REV3L: variants seen among roughly 807,000 people sequenced by gnomAD.
REV3L encodes the protein REV3 like, DNA directed polymerase zeta catalytic subunit.
REV3L carries 69 observed loss-of-function variants against 299.4 expected under a neutral mutation model. The ratio of observed to expected loss-of-function variants is 0.23; its 90% CI spans 0.19 to 0.28. The LOEUF is 0.28. REV3L is among the 10% of genes least tolerant of loss of function. The pLI, the probability that REV3L is intolerant of heterozygous loss-of-function variation, is 1.00. For missense variants in REV3L, 3,128 were observed against 3,693.8 expected, an observed-to-expected ratio of 0.85 and a Z score of 3.97; for synonymous variants, 1,238 against 1,271.4, an observed-to-expected ratio of 0.97 and a Z score of 0.56.
intron 24 of REV3L, 108 bp from the exon 25 acceptor site, chr6:111,329,846 T>G: frequency 1.3e-6 from 1 of 794,830 alleles, no homozygotes; most frequent in Non-Finnish European, 2.0e-6. Context: ...AATTGAAACA[T>G]GCTAACAACA....
rs977317652 is a variant in REV3L, at chr6:111,430,490, G to C, written c.140-14018C>G. On this transcript the variant is annotated intron_variant, in intron 1 of 31. Transcript: ENST00000368802. ...AGACCATTTATTATAAAGCTGCAAAGAAGCGGTTGCACTCGGGGATGAAAA... is the reference window on the plus strand; with the variant it reads ...AGACCATTTATTATAAAGCTGCAAACAAGCGGTTGCACTCGGGGATGAAAA... 9.7e-6 allele frequency: 15 copies of C among 1,548,064 alleles called. No individual in the cohort carries two copies. In the African/African-American group the frequency reaches 2.0e-4, roughly 21 times the overall value.
chr6:111,422,904 G>C (rs1282278814), intron 1 of REV3L, among the ~76,000 whole-genome samples: 1 of 151,140 alleles, frequency 6.6e-6, no homozygotes, highest in Admixed American at 6.6e-5. Context: ...AAAATATACA[G>C]AACTTTATCT....
intron 1 of REV3L, among the ~76,000 whole-genome samples, chr6:111,437,622 T>C (rs1787719354): frequency 6.6e-6 from 1 of 152,030 alleles, no homozygotes; most frequent in Admixed American, 6.6e-5. Context: ...TCCATTTATG[T>C]GAAATGTCCA....
chr6:111,448,327 GTTTTCTTTT>G (rs994019494), intron 1 of REV3L, among the ~76,000 whole-genome samples: 1 of 151,960 alleles, frequency 6.6e-6, no homozygotes, highest in African/African-American at 2.4e-5. Flanking sequence ...TTTATTGGAG[GTTTTCTTTT>G]TTTTCTTTTC....
chr6:111,410,215 T>G (rs1403124721), intron 3 of REV3L, among the ~76,000 whole-genome samples: 2 of 152,046 alleles, frequency 1.3e-5, no homozygotes, highest in Non-Finnish European at 2.9e-5. Context: ...GAAAAAATAA[T>G]AAATGAACAA....
At chr6:111,365,483 TA>T in intron 14 of REV3L, 139 bp from the exon 15 acceptor site, 1 of 433,980 alleles carries the variant, frequency 2.3e-6, no homozygotes, top group Non-Finnish European at 4.0e-6. Flanking sequence ...TTTCATAATT[TA>T]AAAATGAAAT....
intron 1 of REV3L, among the ~76,000 whole-genome samples, chr6:111,438,926 A>AG (rs2128306066): frequency 8.3e-6 from 1 of 120,634 alleles, no homozygotes; most frequent in South Asian, 3.0e-4. Context: ...GTATTAAAAG[A>AG]CAAAAAAAAC....
At chr6:111,314,174 AAG>A (rs759069580) in intron 27 of REV3L, among the ~76,000 whole-genome samples, 2 of 152,226 alleles carry the variant, frequency 1.3e-5, no homozygotes, top group Non-Finnish European at 2.9e-5. Flanking sequence ...TACAGAAAGA[AAG>A]AAATACATAT....
intron 18 of REV3L, chr6:111,354,088 G>C (rs1777843186): frequency 6.6e-6 from 1 of 152,212 alleles, no homozygotes; most frequent in South Asian, 2.1e-4. Context: ...TTGATCTTAA[G>C]AATCGGGAAG....
In REV3L at chr6:111,355,598, A is replaced by T. The variant is rs1342025837; in HGVS notation, c.7184+1416T>A. Among the ~76,000 whole-genome samples, 3 of 152,282 alleles carry T rather than the reference A, an allele frequency of 2.0e-5. No individual in the cohort carries two copies. In the East Asian group the frequency reaches 5.8e-4, roughly 29 times the overall value. Reference sequence around the variant, plus strand: ...ACATTTCATTTTATGGACATTTAAGAAAGTTATTATACTTGCAAATGACTA... The same window carrying T: ...ACATTTCATTTTATGGACATTTAAGTAAGTTATTATACTTGCAAATGACTA... On this transcript the variant is annotated intron_variant, in intron 18 of 31. Transcript: ENST00000368802.
At chr6:111,372,416 CTTAG>C (rs1582732793) in intron 13 of REV3L, among the ~76,000 whole-genome samples, 176 bp downstream of exon 13, 2 of 152,140 alleles carry the variant, frequency 1.3e-5, no homozygotes, top group East Asian at 3.8e-4. Flanking sequence ...TTTGAATTTT[CTTAG>C]TAAGTCTGTA....
At position 111,376,686 on chromosome 6, in the gene REV3L, G is replaced by A. The variant is rs748857250; in HGVS notation, c.1669C>T (p.Pro557Ser). ...VIATSKLSVK[P>S]SIFHKDAATL... ...GCAGCATCTTTGTGAAAGATGGAGG[G>A]TTTAACTGAAAGCTTGCTTGTTGCA... is the stretch of plus-strand genomic sequence containing the variant. The change falls in exon 13 of 32, where the codon CCC (proline) becomes TCC (serine). Residue 557 changes from proline to serine, a missense_variant. This residue lies in a region of REV3L where 2,409 missense variants were observed against 2,611.8 expected (regional missense o/e 0.92). Transcript: ENST00000368802. The A allele has an allele frequency of 6.2e-7, 1 of 1,608,416 alleles. No individual in the cohort carries two copies. The highest frequency in any genetic ancestry group is 8.5e-7 in the Non-Finnish European group (1 of 1,179,412).
At chr6:111,402,623 C>T (rs930334786) in intron 4 of REV3L, among the ~76,000 whole-genome samples, 12 of 152,126 alleles carry the variant, frequency 7.9e-5, no homozygotes, top group Non-Finnish European at 1.3e-4. Context: ...GCCCACTATT[C>T]ACGGCAACAA....
At chr6:111,410,667 C>T (rs988201435) in intron 3 of REV3L, among the ~76,000 whole-genome samples, 2 of 152,238 alleles carry the variant, frequency 1.3e-5, no homozygotes, top group African/African-American at 4.8e-5. Context: ...GGGAATAGAG[C>T]TGTGCTTCAG....
intron 26 of REV3L, among the ~76,000 whole-genome samples, chr6:111,316,265 G>A (rs930717203): frequency 2.6e-5 from 4 of 151,322 alleles, no homozygotes; most frequent in Non-Finnish European, 5.9e-5. Context: ...GTGGTACACA[G>A]TTAAGTACAT....
chr6:111,304,232 T>A (rs1772001206), intron 31 of REV3L, among the ~76,000 whole-genome samples: 1 of 150,164 alleles, frequency 6.7e-6, no homozygotes, highest in Non-Finnish European at 1.5e-5. Flanking sequence ...TCTAGTAATT[T>A]CTGCTTCATT....
chr6:111,383,242 G>A (rs1019282354), intron 9 of REV3L, among the ~76,000 whole-genome samples: 8 of 152,146 alleles, frequency 5.3e-5, no homozygotes, highest in Non-Finnish European at 1.0e-4. Flanking sequence ...TTTCACCACT[G>A]TTATTCAACA....
chr6:111,322,033 G>A lies in REV3L; in HGVS notation c.8351+536C>T, dbSNP rs567240585. Among the ~76,000 whole-genome samples, 3 of 152,196 alleles carry A rather than the reference G, an allele frequency of 2.0e-5. No individual in the cohort carries two copies. In the South Asian group the frequency reaches 6.2e-4, roughly 32 times the overall value. ...GCCTTCAAATGCAGGCACATTATTT[G>A]CCAATCCATAAATAATAGGCTTGAG... On this transcript the variant is annotated intron_variant, in intron 26 of 31. Transcript: ENST00000368802.
intron 1 of REV3L, among the ~76,000 whole-genome samples, chr6:111,473,298 CA>C (rs1792480696): frequency 6.6e-6 from 1 of 151,698 alleles, no homozygotes; most frequent in Non-Finnish European, 1.5e-5. Context: ...TGGGCTCAGG[CA>C]ATCTTCCTGC....
Sources: gnomAD v4.1 joint callset for allele counts (sites outside exome capture counted in the v4.1 genomes callset) on GRCh38, gnomAD v4.1.1 for gene constraint, gnomAD v4.1.1 regional missense constraint, MANE v1.5 for transcripts, NCBI Gene and HGNC (gene_info 2026-07-23, HGNC 2026-07-21) for gene names.